The following KATNAL1 variants were observed in gnomAD, a reference collection of about 807,000 sequenced individuals.
KATNAL1 encodes katanin p60 ATPase-containing subunit A-like 1.
In KATNAL1, 32 loss-of-function variants were observed where a neutral mutation model predicts 55.2. That is an observed-to-expected ratio of 0.58 (90% CI 0.44 to 0.78). KATNAL1 has a LOEUF of 0.78. KATNAL1 is among the 30% of genes least tolerant of loss of function. The pLI, the probability that KATNAL1 is intolerant of heterozygous loss-of-function variation, is 0.00. For missense variants in KATNAL1, 466 were observed against 600.9 expected, an observed-to-expected ratio of 0.78 and a Z score of 2.35; for synonymous variants, 193 against 193.6, an observed-to-expected ratio of 1.00 and a Z score of 0.02.
chr13:30,265,093 A>C (rs999154063), intron 3 of KATNAL1, among the ~76,000 whole-genome samples: 2 of 151,472 alleles, frequency 1.3e-5, no homozygotes, highest in Non-Finnish European at 2.9e-5. Flanking sequence ...TGAAATTGGA[A>C]ATCATCATTC....
rs560520540 is a variant in KATNAL1 at position 30,302,452 on chromosome 13, C to T, written c.-15+4879G>A. ...ACAGAAGTAGGTCAGAAAAAAAAAA[C>T]AGTCACTACTGATTCTCTCATTCAT... On this transcript the variant is annotated intron_variant, in intron 1 of 10. Transcript: ENST00000380615. Among the ~76,000 whole-genome samples, 7 of 144,600 alleles carry T rather than the reference C, an allele frequency of 4.8e-5. No individual in the cohort carries two copies. The South Asian group carries it at 1.5e-3, about 32-fold the overall frequency. 94.9% of individuals were successfully genotyped at this position (144,600 alleles called of 152,430 possible). A position where few individuals can be genotyped will look rare whatever the true frequency, so the allele number is the denominator to read the frequency against.
chr13:30,212,467 G>A (rs556519770), intron 9 of KATNAL1, among the ~76,000 whole-genome samples: 15 of 152,342 alleles, frequency 9.8e-5, no homozygotes, highest in Non-Finnish European at 1.9e-4. Flanking sequence ...CTTGGCCGGC[G>A]TGGGATCAGG....
chr13:30,261,602 G>A (rs1358532033), intron 3 of KATNAL1, among the ~76,000 whole-genome samples: 1 of 152,050 alleles, frequency 6.6e-6, no homozygotes, highest in South Asian at 2.1e-4. Context: ...AACCAACAAA[G>A]ATCAAAAGAG....
intron 3 of KATNAL1, among the ~76,000 whole-genome samples, chr13:30,276,563 T>C (rs554850999): frequency 6.6e-6 from 1 of 151,864 alleles, no homozygotes; most frequent in Non-Finnish European, 1.5e-5. Flanking sequence ...GTAAATATTA[T>C]ATTTTCCTAT....
chr13:30,249,069 A>AG (rs1878059071), intron 4 of KATNAL1, among the ~76,000 whole-genome samples: 1 of 151,734 alleles, frequency 6.6e-6, no homozygotes, highest in Non-Finnish European at 1.5e-5. Context: ...AAAAAAAAAA[A>AG]AAAATTACAA....
At chr13:30,239,508 T>C (rs1485051676) in intron 6 of KATNAL1, among the ~76,000 whole-genome samples, 2 of 152,116 alleles carry the variant, frequency 1.3e-5, no homozygotes, top group Non-Finnish European at 2.9e-5. Context: ...AAAAACGTAA[T>C]AGTTCTATTC....
At chr13:30,229,948 CTTTTTTT>C (rs35961753) in intron 8 of KATNAL1, among the ~76,000 whole-genome samples, 54 of 137,094 alleles carry the variant, frequency 3.9e-4, no homozygotes, top group African/African-American at 1.3e-3. Context: ...AGAAGAGGGG[CTTTTTTT>C]TTTTTTTTTT....
intron 1 of KATNAL1, among the ~76,000 whole-genome samples, chr13:30,301,565 AG>A (rs1882858164): frequency 1.3e-5 from 2 of 152,292 alleles, no homozygotes; most frequent in Middle Eastern, 3.4e-3. Flanking sequence ...CATTTAGCAG[AG>A]GAGGTGACTG....
chr13:30,260,071 C>A (rs1051362892), intron 3 of KATNAL1, among the ~76,000 whole-genome samples: 1 of 152,200 alleles, frequency 6.6e-6, no homozygotes, highest in Non-Finnish European at 1.5e-5. Context: ...GACCCCGACC[C>A]CCCAGCAGCC....
At chr13:30,244,722 CACT>C (rs1877613156) in intron 4 of KATNAL1, among the ~76,000 whole-genome samples, 1 of 152,116 alleles carries the variant, frequency 6.6e-6, no homozygotes, top group Admixed American at 6.5e-5. Context: ...CGGATATCAC[CACT>C]GATTCCACAG....
rs145436656 is a variant in KATNAL1 at position 30,289,565 on chromosome 13, T to C, written c.-14-5774A>G. On this transcript the variant is annotated intron_variant, in intron 1 of 10. Transcript: ENST00000380615. ...ATTACTTTCCTGTGAGTTGGGAATA[T>C]TGTGATGAATGCAGAGTCTGGTAAT... Among the ~76,000 whole-genome samples, 48 of 152,358 alleles carry C rather than the reference T, an allele frequency of 3.2e-4. 2 individuals carry two copies. The East Asian group carries it at 8.7e-3, about 28-fold the overall frequency.
chr13:30,274,891 A>ACATACGCGCGTG (rs55740915), intron 3 of KATNAL1, among the ~76,000 whole-genome samples: 1 of 122,134 alleles, frequency 8.2e-6, no homozygotes. Context: ...GCACACACAT[A>ACATACGCGCGTG]CGCGCGCGCG....
At chr13:30,246,944 A>G (rs1877855105) in intron 4 of KATNAL1, among the ~76,000 whole-genome samples, 1 of 152,180 alleles carries the variant, frequency 6.6e-6, no homozygotes, top group African/African-American at 2.4e-5. Flanking sequence ...TGTTACAATG[A>G]TAACTAAAAC....
At chr13:30,229,631 T>C (rs936580561) in intron 8 of KATNAL1, among the ~76,000 whole-genome samples, 4 of 152,106 alleles carry the variant, frequency 2.6e-5, no homozygotes, top group Admixed American at 1.3e-4. Flanking sequence ...GGCAGGAGGA[T>C]TGCTTGAGCC....
At chr13:30,251,889 A>C (rs1439961600) in intron 4 of KATNAL1, among the ~76,000 whole-genome samples, 1 of 152,242 alleles carries the variant, frequency 6.6e-6, no homozygotes, top group African/African-American at 2.4e-5. Context: ...AAAATGATAA[A>C]GCCTCAACAA....
intron 9 of KATNAL1, among the ~76,000 whole-genome samples, chr13:30,218,579 C>A (rs202114): frequency 0.29 from 44,057 of 152,046 alleles, 7,164 homozygotes; most frequent in East Asian, 0.43. Context: ...TAATTCCCCT[C>A]CCCTTGAATT....
intron 9 of KATNAL1, among the ~76,000 whole-genome samples, chr13:30,219,166 A>C (rs1184716936): frequency 1.3e-5 from 2 of 152,144 alleles, no homozygotes; most frequent in East Asian, 1.9e-4. Flanking sequence ...AATTTTTTTA[A>C]ATTTTAATAC....
At chr13:30,263,347 A>T (rs1879468448) in intron 3 of KATNAL1, among the ~76,000 whole-genome samples, 1 of 151,856 alleles carries the variant, frequency 6.6e-6, no homozygotes, top group Non-Finnish European at 1.5e-5. Flanking sequence ...CCTATTCAAC[A>T]TAGTGTTGGA....
intron 1 of KATNAL1, among the ~76,000 whole-genome samples, chr13:30,286,754 A>G (rs983019701): frequency 6.6e-6 from 1 of 152,214 alleles, no homozygotes; most frequent in Admixed American, 6.5e-5. Context: ...GAAAAGCCAC[A>G]GACACTCAAG....
Sources: allele counts gnomAD v4.1 joint callset (sites outside exome capture counted in the v4.1 genomes callset), GRCh38; gene constraint gnomAD v4.1.1; transcripts MANE v1.5; gene names NCBI Gene and HGNC (gene_info 2026-07-23, HGNC 2026-07-21).